Variants in PTPN3 observed in about 807,000 individuals in gnomAD.
The protein encoded by PTPN3 is tyrosine-protein phosphatase non-receptor type 3.
A neutral mutation model predicts 132.7 loss-of-function variants in PTPN3; 96 were observed. That is an observed-to-expected ratio of 0.72 (90% CI 0.61 to 0.86). PTPN3 has a LOEUF of 0.86. Among genes scored for constraint, PTPN3 ranks in the 40% least tolerant of loss-of-function variants. The probability of loss-of-function intolerance (pLI) is 0.00; values close to 1 mark genes in which losing one functional copy is unlikely to be tolerated. For synonymous variants in PTPN3, 398 were observed against 429.0 expected, an observed-to-expected ratio of 0.93 and a Z score of 0.89; for missense variants, 1,125 against 1,159.6, an observed-to-expected ratio of 0.97 and a Z score of 0.43.
chr9:109,431,167 G>A (rs1359356570), intron 10 of PTPN3, among the ~76,000 whole-genome samples: 4 of 152,230 alleles, frequency 2.6e-5, no homozygotes, highest in Non-Finnish European at 5.9e-5. Context: ...CAGCAGGACT[G>A]TGGGTGAGCC....
chr9:109,449,654 C>T lies in PTPN3; in HGVS notation c.369-799G>A. On this transcript the variant is annotated intron_variant, in intron 5 of 25. Transcript: ENST00000374541. ...TTAGGGATGCGGCATACATGTGACA[C>T]TTGGCCACTAGCTCCCATGCTTTTT... 3 of 985,460 alleles carry T rather than the reference C, an allele frequency of 3.0e-6. No homozygotes were observed. In the South Asian group the frequency reaches 1.4e-4, roughly 46 times the overall value. The allele number at this position is 985,460 out of a possible 1,614,324, so 61.0% of individuals were successfully genotyped here. A position where few individuals can be genotyped will look rare whatever the true frequency, so the allele number is the denominator to read the frequency against.
chr9:109,461,731 T>C (rs574814750), intron 2 of PTPN3, among the ~76,000 whole-genome samples: 12 of 150,876 alleles, frequency 8.0e-5, no homozygotes, highest in African/African-American at 2.7e-4. Context: ...CACTCCAGCC[T>C]GGGTGACAGA....
intron 5 of PTPN3, 149 bp downstream of exon 5, chr9:109,454,347 T>C (rs1248158420): frequency 4.2e-6 from 3 of 707,752 alleles, no homozygotes; most frequent in South Asian, 1.8e-5. Flanking sequence ...TGTCAGTATG[T>C]GCACCCCAGA....
intron 10 of PTPN3, among the ~76,000 whole-genome samples, chr9:109,432,732 G>A (rs1208682869): frequency 2.0e-5 from 3 of 152,134 alleles, no homozygotes; most frequent in African/African-American, 7.2e-5. Flanking sequence ...GAAATGAAAC[G>A]ATGGTTCCTG....
intron 16 of PTPN3, among the ~76,000 whole-genome samples, chr9:109,408,925 CCCTGTGAGCGCATCTGG>C (rs1024305342): frequency 6.7e-6 from 1 of 150,246 alleles, no homozygotes. Context: ...AGGGGGCACA[CCCTGTGAGCGCATCTGG>C]CCTGTGAGCG....
At chr9:109,436,854 T>A in intron 9 of PTPN3, 29 bp downstream of exon 9, 1 of 1,590,290 alleles carries the variant, frequency 6.3e-7, no homozygotes, top group South Asian at 1.2e-5. Flanking sequence ...AACATAATGT[T>A]TGAGCCAAGA....
chr9:109,427,264 T>C (rs971888601), intron 11 of PTPN3, 142 bp from the exon 12 acceptor site: 23 of 827,820 alleles, frequency 2.8e-5, no homozygotes, highest in Non-Finnish European at 4.1e-5. Flanking sequence ...CACAAACCAG[T>C]GTACCGGAAT....
intron 4 of PTPN3, among the ~76,000 whole-genome samples, chr9:109,456,029 G>C (rs547827613): frequency 6.6e-6 from 1 of 152,078 alleles, no homozygotes; most frequent in Non-Finnish European, 1.5e-5. Context: ...ACTTCTGAAC[G>C]CAGAGGATGC....
intron 5 of PTPN3, 188 bp from the exon 6 acceptor site, chr9:109,449,043 A>G: frequency 7.1e-7 from 1 of 1,409,966 alleles, no homozygotes; most frequent in Non-Finnish European, 9.2e-7. Context: ...CTGATGGCTC[A>G]TGTTGATGCC....
At position 109,379,340 on chromosome 9, in the gene PTPN3, A is replaced by G; in HGVS notation, c.*216T>C. On this transcript the variant is annotated 3_prime_UTR_variant, in exon 26 of 26. Transcript: ENST00000374541. ...AGATCCTTTTTGTATCTTTCCATAG[A>G]AATACAGGCCTAAATGATGCCATAA... 1 of 549,924 alleles carries G rather than the reference A, an allele frequency of 1.8e-6. No homozygotes were observed. Among genetic ancestry groups the G allele is most frequent in the Non-Finnish European group, 3.2e-6 (1 of 309,684 alleles). The allele number at this position is 549,924 out of a possible 1,614,324, so 34.1% of individuals were successfully genotyped here. A position where few individuals can be genotyped will look rare whatever the true frequency, so the allele number is the denominator to read the frequency against.
At chr9:109,433,049 A>C (rs761616648) in intron 10 of PTPN3, 24 bp downstream of exon 10, 2 of 1,609,558 alleles carry the variant, frequency 1.2e-6, no homozygotes, top group Non-Finnish European at 1.7e-6. Flanking sequence ...GATTCAGAAA[A>C]TAATGAGAAC....
intron 11 of PTPN3, among the ~76,000 whole-genome samples, chr9:109,427,669 C>T (rs1843375385): frequency 6.6e-6 from 1 of 152,198 alleles, no homozygotes; most frequent in Non-Finnish European, 1.5e-5. Context: ...CCGTCTTATA[C>T]ATTTTTGTGC....
At chr9:109,383,711 G>A (rs1362161375) in intron 22 of PTPN3, among the ~76,000 whole-genome samples, 160 bp from the exon 23 acceptor site, 1 of 152,174 alleles carries the variant, frequency 6.6e-6, no homozygotes, top group Non-Finnish European at 1.5e-5. Flanking sequence ...GTTTCTCAGG[G>A]CGGGGTGGGG....
the PTPN3 span, among the ~76,000 whole-genome samples, chr9:109,515,087 G>T: frequency 1.3e-5 from 2 of 151,964 alleles, no homozygotes; most frequent in East Asian, 3.9e-4. Context: ...CAATGGTGCC[G>T]TCACTGCTCA....
At chr9:109,463,540 G>T in intron 1 of PTPN3, 89 bp from the exon 2 acceptor site, 1 of 1,240,380 alleles carries the variant, frequency 8.1e-7, no homozygotes, top group South Asian at 1.5e-5. Flanking sequence ...CCATCCTCTC[G>T]ATACTGTCTG....
chr9:109,432,389 C>CAGA (rs1843725542), intron 10 of PTPN3, among the ~76,000 whole-genome samples: 1 of 152,114 alleles, frequency 6.6e-6, no homozygotes, highest in South Asian at 2.1e-4. Flanking sequence ...ATCTGCATCT[C>CAGA]CTGCCGTCTA....
intron 7 of PTPN3, among the ~76,000 whole-genome samples, chr9:109,441,701 C>G (rs113480299): frequency 3.3e-5 from 5 of 152,174 alleles, no homozygotes; most frequent in African/African-American, 1.2e-4. Context: ...AGGCCATTAA[C>G]AATTTTCCAT....
chr9:109,409,997 AC>A lies in PTPN3; in HGVS notation c.1578+1del, dbSNP rs773579674. ...AACTTCCTTTATAAATACACAACAT[AC>A]CTTAAGATTAAATCCAAATTTTCCA... On this transcript the variant is annotated splice_donor_variant, in intron 16 of 25. Coordinates refer to ENST00000374541, the MANE Select transcript of PTPN3 (RefSeq NM_002829.4). LOFTEE classifies it high-confidence loss of function. The A allele has an allele frequency of 6.2e-7, 1 of 1,614,086 alleles. No individual in the cohort carries two copies. Among genetic ancestry groups the A allele is most frequent in the East Asian group, 2.2e-5 (1 of 44,886 alleles).
intron 16 of PTPN3, among the ~76,000 whole-genome samples, chr9:109,408,797 ATATAT>A (rs200320808): frequency 0.28 from 13,833 of 50,188 alleles, 997 homozygotes; most frequent in Non-Finnish European, 0.31. Context: ...AAAAAAAAAA[ATATAT>A]ATATATATAT....
Sources: allele counts gnomAD v4.1 joint callset (sites outside exome capture counted in the v4.1 genomes callset), GRCh38; gene constraint gnomAD v4.1.1; transcripts MANE v1.5; gene names NCBI Gene and HGNC (gene_info 2026-07-23, HGNC 2026-07-21).